Variants in USP30 observed in about 807,000 individuals in gnomAD.
USP30 encodes the protein ubiquitin specific peptidase 30, also known as ubiquitin carboxyl-terminal hydrolase 30.
USP30 carries 41 observed loss-of-function variants against 68.2 expected under a neutral mutation model. The observed-to-expected ratio is 0.60, with a 90% CI of 0.47 to 0.78. USP30 has a LOEUF of 0.78. Among genes scored for constraint, USP30 ranks in the 30% least tolerant of loss-of-function variants. The pLI, the probability that USP30 is intolerant of heterozygous loss-of-function variation, is 0.00. For missense variants in USP30, 522 were observed against 649.4 expected (o/e 0.80, Z 2.13); for synonymous variants, 229 against 253.7 (o/e 0.90, Z 0.93).
At chr12:109,039,940 T>C (rs2040551601) in intron 3 of USP30, among the ~76,000 whole-genome samples, 1 of 152,164 alleles carries the variant, frequency 6.6e-6, no homozygotes, top group African/African-American at 2.4e-5. Context: ...ATCTCAGTGT[T>C]TCACTAAGGA....
chr12:109,066,573 T>C (rs2041258279), intron 3 of USP30, among the ~76,000 whole-genome samples: 1 of 152,064 alleles, frequency 6.6e-6, no homozygotes, highest in Non-Finnish European at 1.5e-5. Context: ...TAATCCCAGC[T>C]ACTCGGGAGG....
At chr12:109,071,574 C>A in intron 4 of USP30, 38 bp from the exon 5 acceptor site, 1 of 1,591,646 alleles carries the variant, frequency 6.3e-7, no homozygotes, top group South Asian at 1.1e-5. Flanking sequence ...GCTCTTGCCT[C>A]TTCCAACCTC....
At chr12:109,032,923 T>A (rs1455424176) in intron 3 of USP30, among the ~76,000 whole-genome samples, 1 of 152,122 alleles carries the variant, frequency 6.6e-6, no homozygotes, top group African/African-American at 2.4e-5. Context: ...AAAACAAAAG[T>A]GAATACTTTA....
chr12:109,065,088 C>T (rs2041205912), intron 3 of USP30, among the ~76,000 whole-genome samples: 1 of 152,154 alleles, frequency 6.6e-6, no homozygotes, highest in East Asian at 1.9e-4. Flanking sequence ...ATAGGCAGAG[C>T]AGCCCAGAAG....
intron 3 of USP30, among the ~76,000 whole-genome samples, chr12:109,028,570 C>A (rs1378487001): frequency 6.6e-6 from 1 of 152,086 alleles, no homozygotes; most frequent in Non-Finnish European, 1.5e-5. Context: ...CTCCACCTAC[C>A]AGGTTCAGGC....
intron 11 of USP30, among the ~76,000 whole-genome samples, chr12:109,083,810 TTA>T (rs1435581638): frequency 6.6e-6 from 1 of 152,080 alleles, no homozygotes; most frequent in Non-Finnish European, 1.5e-5. Flanking sequence ...ACTTTCCTAT[TTA>T]GGGTCCCTTA....
At chr12:109,060,617 A>G (rs1261488223) in intron 3 of USP30, among the ~76,000 whole-genome samples, 3 of 152,078 alleles carry the variant, frequency 2.0e-5, no homozygotes, top group African/African-American at 7.2e-5. Flanking sequence ...AGCAAATCTG[A>G]CTGATTTTAA....
chr12:109,029,581 T>C (rs2040467197), intron 3 of USP30, among the ~76,000 whole-genome samples: 1 of 152,196 alleles, frequency 6.6e-6, no homozygotes, highest in African/African-American at 2.4e-5. Context: ...GAGTGTGAAG[T>C]TTGGTGGTTA....
At chr12:109,050,906 C>G (rs1275055178), upstream of USP30, among the ~76,000 whole-genome samples, 1 of 152,010 alleles carries the variant, frequency 6.6e-6, no homozygotes, top group Admixed American at 6.6e-5. Flanking sequence ...ACTCAGGAGG[C>G]TGAGGCAGGA....
intron 3 of USP30, 63 bp downstream of exon 3, chr12:109,058,171 C>G: frequency 6.7e-7 from 1 of 1,491,348 alleles, no homozygotes; most frequent in Non-Finnish European, 9.0e-7. Context: ...ATGACAGAGA[C>G]TCTTATAACA....
At chr12:109,051,522 C>T (rs1188635896), upstream of USP30, among the ~76,000 whole-genome samples, 10 of 132,444 alleles carry the variant, frequency 7.6e-5, no homozygotes, top group East Asian at 7.0e-4. Context: ...CCCCACCCCC[C>T]GGCCTCCCAA....
At chr12:109,080,737 T>C (rs941673707) in intron 7 of USP30, among the ~76,000 whole-genome samples, 1 of 152,210 alleles carries the variant, frequency 6.6e-6, no homozygotes, top group African/African-American at 2.4e-5. Context: ...TCCCGTAAGA[T>C]TATAATACTT....
chr12:109,048,078 C>CTTT (rs571441531), upstream of USP30, among the ~76,000 whole-genome samples: 2 of 134,366 alleles, frequency 1.5e-5, no homozygotes, highest in African/African-American at 2.8e-5. Flanking sequence ...AGAATGCCTA[C>CTTT]TTTTTTTTTT....
upstream of USP30, among the ~76,000 whole-genome samples, chr12:109,051,249 C>CTTTTTTTTT (rs138942249): frequency 7.9e-5 from 5 of 63,566 alleles, no homozygotes; most frequent in African/African-American, 3.0e-4. Flanking sequence ...TTACCTCTTG[C>CTTTTTTTTT]TTTTTTTTTT....
In USP30 at chr12:109,082,822, C is replaced by G. The variant is rs372673295; in HGVS notation, c.949-21C>G. On this transcript the variant is annotated intron_variant, in intron 10 of 12. Coordinates refer to ENST00000257548, the MANE Select transcript of USP30 (RefSeq NM_032663.5). ...TGCCCCTGAAACAACTCGGTTCTCCCGATTTCTCTTCCACCCGCAGCTCCC... is the reference window on the plus strand; with the variant it reads ...TGCCCCTGAAACAACTCGGTTCTCCGGATTTCTCTTCCACCCGCAGCTCCC... 4.8e-4 allele frequency: 775 copies of G among 1,610,770 alleles called. 3 individuals are homozygous for G. The highest frequency in any genetic ancestry group is 6.3e-4 in the Non-Finnish European group (744 of 1,177,786).
At chr12:109,066,067 C>T (rs1372928112) in intron 3 of USP30, among the ~76,000 whole-genome samples, 1 of 151,680 alleles carries the variant, frequency 6.6e-6, no homozygotes, top group Non-Finnish European at 1.5e-5. Flanking sequence ...GCCTGGGCAA[C>T]ATGGTGAAAC....
At chr12:109,029,905 G>T (rs143757548) in intron 3 of USP30, among the ~76,000 whole-genome samples, 4 of 152,194 alleles carry the variant, frequency 2.6e-5, no homozygotes, top group Admixed American at 2.6e-4. Context: ...ATCTGTTAAG[G>T]CCTCTGAGAA....
Position 109,070,602 on chromosome 12 carries a change from G to A in USP30, c.481-1010G>A, listed in dbSNP as rs1048992290. Among the ~76,000 whole-genome samples the A allele has an allele frequency of 6.6e-6, 1 of 152,180 alleles. No individual in the cohort carries two copies. The highest frequency in any genetic ancestry group is 2.4e-5 in the African/African-American group (1 of 41,444). ...TAAAAGCAGAAGAGTAAAGCTATCT[G>A]CCTTTTAAAGTATTGCTCTGGTGGC... On this transcript the variant is annotated intron_variant, in intron 4 of 12. Transcript: ENST00000257548. This position sits in a 1 kb window ranked among gnomAD's most constrained non-coding sequence, Gnocchi z 4.0.
At chr12:109,038,009 T>A (rs2040533748) in intron 3 of USP30, among the ~76,000 whole-genome samples, 1 of 152,182 alleles carries the variant, frequency 6.6e-6, no homozygotes, top group African/African-American at 2.4e-5. Flanking sequence ...TTTCTTTTTT[T>A]TTCTTCCACT....
Sources: gnomAD v4.1 joint callset for allele counts (sites outside exome capture counted in the v4.1 genomes callset) on GRCh38, gnomAD v4.1.1 for gene constraint, Gnocchi (gnomAD v3.1) non-coding constraint, MANE v1.5 for transcripts, NCBI Gene and HGNC (gene_info 2026-07-23, HGNC 2026-07-21) for gene names.